The following ZNF525 variants were observed in gnomAD, a reference collection of about 807,000 sequenced individuals.
The protein encoded by ZNF525 is zinc finger protein 525.
A neutral mutation model predicts 37.6 loss-of-function variants in ZNF525; 33 were observed. The observed-to-expected ratio is 0.88, with a 90% CI of 0.67 to 1.17. The LOEUF (loss-of-function observed/expected upper bound fraction) is 1.17. ZNF525 is among the 50% of genes most tolerant of loss of function. The pLI is 0.00. For synonymous variants in ZNF525, 170 were observed against 182.3 expected (o/e 0.93, Z 0.54); for missense variants, 449 against 543.1 (o/e 0.83, Z 1.72).
At position 53,384,323 on chromosome 19, in the gene ZNF525, C is replaced by T. The variant is rs77807559; in HGVS notation, c.*2304C>T. 35,672 of 170,636 alleles carry T rather than the reference C, an allele frequency of 0.21. 3,898 individuals carry two copies. The highest frequency in any genetic ancestry group is 0.31 in the East Asian group (1,739 of 5,582). The allele number at this position is 170,636 out of a possible 1,614,324, so 10.6% of individuals were successfully genotyped here. A position where few individuals can be genotyped will look rare whatever the true frequency, so the allele number is the denominator to read the frequency against. ...ACAGACCTGAGCCACTTTTCCCAGC[C>T]TGTTTTTTGTTTCTTTAACAAAAAC... On this transcript the variant is annotated 3_prime_UTR_variant, in exon 4 of 4. Coordinates refer to ENST00000474037, the MANE Select transcript of ZNF525 (RefSeq NM_001348156.2).
At chr19:53,372,018 T>C (rs1335272712) in intron 1 of ZNF525, among the ~76,000 whole-genome samples, 197 bp from the exon 2 acceptor site, 2 of 152,150 alleles carry the variant, frequency 1.3e-5, no homozygotes, top group African/African-American at 4.8e-5. Context: ...TCCCCACTGC[T>C]GCAGCGTGTG....
intron 1 of ZNF525, among the ~76,000 whole-genome samples, chr19:53,367,832 T>G (rs2085459026): frequency 6.6e-6 from 1 of 152,240 alleles, no homozygotes; most frequent in African/African-American, 2.4e-5. Flanking sequence ...TTTCTCATTT[T>G]CATGGCTTAC....
rs551396021 is a variant in ZNF525 at position 53,384,815 on chromosome 19, A to G, written c.*2796A>G. On this transcript the variant is annotated 3_prime_UTR_variant, in exon 4 of 4. Transcript: ENST00000474037. Reference sequence around the variant, plus strand: ...TTTAATTGCTCTGGCTAGGACAGGCAGTATTGATTGAATAGAAGGGGTGAG... The same window carrying G: ...TTTAATTGCTCTGGCTAGGACAGGCGGTATTGATTGAATAGAAGGGGTGAG... 6.8e-6 allele frequency: 4 copies of G among 584,244 alleles called. No individual in the cohort carries two copies. The highest frequency in any genetic ancestry group is 1.2e-5 in the Non-Finnish European group (4 of 331,290). 36.2% of individuals were successfully genotyped at this position (584,244 alleles called of 1,614,324 possible). A position where few individuals can be genotyped will look rare whatever the true frequency, so the allele number is the denominator to read the frequency against.
rs1469614097 is a variant in ZNF525 at position 53,382,105 on chromosome 19, C to G, written c.*86C>G. The G allele has an allele frequency of 7.2e-6, 11 of 1,538,074 alleles. No homozygotes were observed. The African/African-American group carries it at 1.4e-4, about 19-fold the overall frequency. ...GGCAAGATCTTCAGTCATACGTCATCCATTGTATACCATCATAAATTTCAT... is the reference window on the plus strand; with the variant it reads ...GGCAAGATCTTCAGTCATACGTCATGCATTGTATACCATCATAAATTTCAT... On this transcript the variant is annotated 3_prime_UTR_variant, in exon 4 of 4. Coordinates refer to ENST00000474037, the MANE Select transcript of ZNF525 (RefSeq NM_001348156.2).
chr19:53,371,702 A>G (rs1271864403), intron 1 of ZNF525, among the ~76,000 whole-genome samples: 1 of 152,050 alleles, frequency 6.6e-6, no homozygotes, highest in African/African-American at 2.4e-5. Flanking sequence ...GCAGGGTTTC[A>G]CTATGTTGGC....
At position 53,382,176 on chromosome 19, in the gene ZNF525, A is replaced by G; in HGVS notation, c.*157A>G. ...ATGTGAAGAATGTGATGAAGCTTTC[A>G]GTTTCAAATCAAACCTTGAAAGACA... On this transcript the variant is annotated 3_prime_UTR_variant, in exon 4 of 4. Coordinates refer to ENST00000474037, the MANE Select transcript of ZNF525 (RefSeq NM_001348156.2). The G allele has an allele frequency of 6.3e-7, 1 of 1,594,072 alleles. No individual in the cohort carries two copies. Among genetic ancestry groups the G allele is most frequent in the Non-Finnish European group, 8.6e-7 (1 of 1,162,568 alleles).
intron 1 of ZNF525, among the ~76,000 whole-genome samples, chr19:53,365,960 C>T (rs1294199142): frequency 6.6e-6 from 1 of 152,170 alleles, no homozygotes; most frequent in Non-Finnish European, 1.5e-5. Flanking sequence ...CGTTCCGGAT[C>T]TTTCTGCTAT....
At position 53,382,643 on chromosome 19, in the gene ZNF525, C is replaced by T. The variant is rs1047449530; in HGVS notation, c.*624C>T. 5.6e-6 allele frequency: 4 copies of T among 709,172 alleles called. No individual in the cohort carries two copies. The highest frequency in any genetic ancestry group is 5.6e-5 in the South Asian group (4 of 71,196). 43.9% of individuals were successfully genotyped at this position (709,172 alleles called of 1,614,324 possible). Reference sequence around the variant, plus strand: ...TCAAGCAATCCATGGCAGAGGGAAACTTTACAAATGTAATGATTGTCACCA... The same window carrying T: ...TCAAGCAATCCATGGCAGAGGGAAATTTTACAAATGTAATGATTGTCACCA... On this transcript the variant is annotated 3_prime_UTR_variant, in exon 4 of 4. Transcript: ENST00000474037.
At chr19:53,376,445 A>AT (rs924689006) in intron 3 of ZNF525, 32 of 577,080 alleles carry the variant, frequency 5.5e-5, no homozygotes, top group East Asian at 1.8e-4. Flanking sequence ...GTATTTCTTG[A>AT]TTTTTTTTGT....
chr19:53,380,721 G>T lies in ZNF525; in HGVS notation c.143-1G>T. 8.7e-7 allele frequency: 1 copy of T among 1,146,070 alleles called. No individual in the cohort carries two copies. 71.0% of individuals were successfully genotyped at this position (1,146,070 alleles called of 1,614,324 possible). A position where few individuals can be genotyped will look rare whatever the true frequency, so the allele number is the denominator to read the frequency against. ...TACCTATTAGTGTTTATATTTTGTA[G>T]GTATCTCTTCCAAATGCACAATGAA... On this transcript the variant is annotated splice_acceptor_variant, in intron 3 of 3. Coordinates refer to ENST00000474037, the MANE Select transcript of ZNF525 (RefSeq NM_001348156.2). LOFTEE classifies it high-confidence loss of function.
At chr19:53,369,418 G>C (rs1322829227) in intron 1 of ZNF525, among the ~76,000 whole-genome samples, 1 of 148,920 alleles carries the variant, frequency 6.7e-6, no homozygotes, top group East Asian at 1.9e-4. Context: ...AGTAGAGACG[G>C]GTTTCACCAT....
rs189939322 is a variant in ZNF525 at position 53,376,926 on chromosome 19, T to C, written c.142+1030T>C. 3.9e-4 allele frequency among the ~76,000 whole-genome samples: 59 copies of C among 152,268 alleles called. No homozygotes were observed. The East Asian group carries it at 0.011, about 28-fold the overall frequency. Reference sequence around the variant, plus strand: ...TGGAGGTTGTGGTGACCTGAGATTGTGCCATGCACTCCCGCCTGGGCAACA... The same window carrying C: ...TGGAGGTTGTGGTGACCTGAGATTGCGCCATGCACTCCCGCCTGGGCAACA... On this transcript the variant is annotated intron_variant, in intron 3 of 3. Transcript: ENST00000474037.
intron 1 of ZNF525, among the ~76,000 whole-genome samples, chr19:53,368,012 A>C (rs756427444): frequency 4.0e-5 from 6 of 151,644 alleles, no homozygotes; most frequent in Non-Finnish European, 8.8e-5. Flanking sequence ...CTAATCTTCT[A>C]TTTTTATGTC....
intron 3 of ZNF525, among the ~76,000 whole-genome samples, chr19:53,378,418 G>A (rs980447394): frequency 6.6e-6 from 1 of 152,162 alleles, no homozygotes; most frequent in African/African-American, 2.4e-5. Flanking sequence ...TTACACCACT[G>A]CACTCCAGTC....
In ZNF525 at chr19:53,376,318, A is replaced by G. The variant is rs528840859; in HGVS notation, c.142+422A>G. 8.6e-6 allele frequency: 6 copies of G among 699,836 alleles called. No individual in the cohort carries two copies. The South Asian group carries it at 8.9e-5, about 10-fold the overall frequency. The allele number at this position is 699,836 out of a possible 1,614,324, so 43.4% of individuals were successfully genotyped here. A position where few individuals can be genotyped will look rare whatever the true frequency, so the allele number is the denominator to read the frequency against. On this transcript the variant is annotated intron_variant, in intron 3 of 3. Transcript: ENST00000474037. ...TATGAGTCTTCTGTGGACAACAAGT[A>G]GTTGGTTCCTGTTGATTGAGTCAGT... is the stretch of plus-strand genomic sequence containing the variant.
At chr19:53,375,067 C>T (rs954412300) in intron 2 of ZNF525, among the ~76,000 whole-genome samples, 2 of 151,532 alleles carry the variant, frequency 1.3e-5, no homozygotes, top group African/African-American at 4.9e-5. Context: ...GATGGAGTCT[C>T]TGTTGCCCTG....
At position 53,383,311 on chromosome 19, in the gene ZNF525, GA is replaced by G; in HGVS notation, c.*1295del. 9.9e-6 allele frequency: 9 copies of G among 906,986 alleles called. No individual in the cohort carries two copies. The highest frequency in any genetic ancestry group is 1.4e-5 in the Non-Finnish European group (9 of 657,552). The allele number at this position is 906,986 out of a possible 1,614,324, so 56.2% of individuals were successfully genotyped here. A position where few individuals can be genotyped will look rare whatever the true frequency, so the allele number is the denominator to read the frequency against. Reference sequence around the variant, plus strand: ...TTCATAAAACAATTCATACTGGAGAGAAACAAGCGTAATGAATGTGGCGAGG... The same window carrying G: ...TTCATAAAACAATTCATACTGGAGAGAACAAGCGTAATGAATGTGGCGAGG... On this transcript the variant is annotated 3_prime_UTR_variant, in exon 4 of 4. Transcript: ENST00000474037.
chr19:53,371,584 G>A (rs2085488464), intron 1 of ZNF525, among the ~76,000 whole-genome samples: 1 of 152,110 alleles, frequency 6.6e-6, no homozygotes, highest in African/African-American at 2.4e-5. Flanking sequence ...GACCATGCTG[G>A]TCTCAGACTT....
intron 2 of ZNF525, among the ~76,000 whole-genome samples, chr19:53,373,002 A>G (rs2085498091): frequency 6.6e-6 from 1 of 152,322 alleles, no homozygotes; most frequent in African/African-American, 2.4e-5. Flanking sequence ...CTTTTCTCAC[A>G]TATGAGAGCA....
Sources: gnomAD v4.1 joint callset for allele counts (sites outside exome capture counted in the v4.1 genomes callset) on GRCh38, gnomAD v4.1.1 for gene constraint, MANE v1.5 for transcripts, NCBI Gene and HGNC (gene_info 2026-07-23, HGNC 2026-07-21) for gene names.